MYOF: variants seen among roughly 807,000 people sequenced by gnomAD.
MYOF encodes the protein myoferlin, also known as fer-1-like 3, myoferlin.
A neutral mutation model predicts 284.2 loss-of-function variants in MYOF; 244 were observed. That is an observed-to-expected ratio of 0.86 (90% CI 0.77 to 0.95). The LOEUF is 0.95. MYOF is among the 40% of genes least tolerant of loss of function. MYOF has a pLI of 0.00. For synonymous variants in MYOF, 904 were observed against 919.7 expected, an observed-to-expected ratio of 0.98 and a Z score of 0.31; for missense variants, 2,496 against 2,560.6, an observed-to-expected ratio of 0.97 and a Z score of 0.54.
At chr10:93,476,168 G>A (rs1315965110) in intron 1 of MYOF, among the ~76,000 whole-genome samples, 3 of 151,372 alleles carry the variant, frequency 2.0e-5, no homozygotes, top group Non-Finnish European at 4.4e-5. Flanking sequence ...AAGGCTCTCT[G>A]TGGGGAACGC....
chr10:93,389,775 A>T (rs371291426), intron 17 of MYOF, among the ~76,000 whole-genome samples: 3 of 152,320 alleles, frequency 2.0e-5, no homozygotes, highest in East Asian at 3.9e-4. Flanking sequence ...TTAGCAAGAC[A>T]ACTCCTCAAT....
chr10:93,361,650 C>G, intron 27 of MYOF, 93 bp from the exon 28 acceptor site: 1 of 1,073,846 alleles, frequency 9.3e-7, no homozygotes, highest in Non-Finnish European at 1.4e-6. Context: ...TTAACTATGG[C>G]ATTCACACCT....
chr10:93,372,496 T>A (rs966258670), intron 24 of MYOF, among the ~76,000 whole-genome samples: 12 of 152,320 alleles, frequency 7.9e-5, no homozygotes, highest in Admixed American at 2.0e-4. Context: ...TCAAAAATGT[T>A]CAATTTGATT....
chr10:93,438,577 C>A (rs1317490045), intron 3 of MYOF, among the ~76,000 whole-genome samples: 1 of 152,052 alleles, frequency 6.6e-6, no homozygotes. Flanking sequence ...TCCCTGAGTC[C>A]GACTTTTTCC....
In MYOF at chr10:93,426,884, CTT is replaced by C. The variant is rs1169014883; in HGVS notation, c.346-728_346-727del. ...CGCCTAGGCAAAAGAACGAGACTGT[CTT>C]TTTTTTTTTTTTTTTTTTTGAGACA... On this transcript the variant is annotated intron_variant, in intron 4 of 53. Coordinates refer to ENST00000359263, the MANE Select transcript of MYOF (RefSeq NM_013451.4). Among the ~76,000 whole-genome samples the C allele has an allele frequency of 6.9e-4, 72 of 104,748 alleles. 1 individual carries two copies. The highest frequency in any genetic ancestry group is 5.7e-3 in the East Asian group (23 of 4,000). The allele number at this position is 104,748 out of a possible 152,430, so 68.7% of individuals were successfully genotyped here. A position where few individuals can be genotyped will look rare whatever the true frequency, so the allele number is the denominator to read the frequency against.
rs1003076454 is a variant in MYOF at position 93,370,552 on chromosome 10, C to T, written c.2458-776G>A. ...TGGGTCTTAAACTCCTGAACTCAAACGACCCACCCACCTCAGCCTCCCAGA... is the reference window on the plus strand; with the variant it reads ...TGGGTCTTAAACTCCTGAACTCAAATGACCCACCCACCTCAGCCTCCCAGA... On this transcript the variant is annotated intron_variant, in intron 24 of 53. Coordinates refer to ENST00000359263, the MANE Select transcript of MYOF (RefSeq NM_013451.4). Among the ~76,000 whole-genome samples the T allele has an allele frequency of 1.6e-4, 24 of 151,966 alleles. No homozygotes were observed. In the South Asian group the frequency reaches 2.5e-3, roughly 16 times the overall value.
chr10:93,320,194 A>C (rs1842793654), intron 48 of MYOF, among the ~76,000 whole-genome samples, 181 bp from the exon 49 acceptor site: 3 of 152,218 alleles, frequency 2.0e-5, no homozygotes, highest in Admixed American at 1.3e-4. Context: ...TGCATCCAAC[A>C]CAGGTTGTGG....
chr10:93,458,400 C>T (rs2056794816), intron 1 of MYOF, among the ~76,000 whole-genome samples: 1 of 151,896 alleles, frequency 6.6e-6, no homozygotes, highest in South Asian at 2.1e-4. Flanking sequence ...TTTTCATCCC[C>T]CTTTCACAGC....
At chr10:93,391,198 T>A (rs577564335) in intron 17 of MYOF, among the ~76,000 whole-genome samples, 2 of 152,372 alleles carry the variant, frequency 1.3e-5, no homozygotes, top group East Asian at 3.9e-4. Flanking sequence ...CCAACAAATC[T>A]CTTTTCTGGT....
chr10:93,399,168 A>G (rs891469432), intron 13 of MYOF, among the ~76,000 whole-genome samples: 3 of 152,160 alleles, frequency 2.0e-5, no homozygotes, highest in Non-Finnish European at 4.4e-5. Flanking sequence ...TTAATCTCTC[A>G]AAAGATTGAA....
At chr10:93,413,467 G>C (rs1847987480) in intron 5 of MYOF, among the ~76,000 whole-genome samples, 1 of 152,220 alleles carries the variant, frequency 6.6e-6, no homozygotes, top group Admixed American at 6.5e-5. Flanking sequence ...TGATGTGCAA[G>C]CTGTGTCATG....
chr10:93,477,957 T>C (rs2057301354), intron 1 of MYOF, among the ~76,000 whole-genome samples: 1 of 152,142 alleles, frequency 6.6e-6, no homozygotes, highest in Non-Finnish European at 1.5e-5. Flanking sequence ...ACAACTTATA[T>C]GTCTAGAGCA....
At chr10:93,338,205 G>A (rs1843704998) in intron 39 of MYOF, 3 of 480,110 alleles carry the variant, frequency 6.2e-6, no homozygotes, top group Non-Finnish European at 1.2e-5. Context: ...TAATTTGTTG[G>A]TTTTTACATT....
At chr10:93,323,978 C>T (rs990308115) in intron 46 of MYOF, among the ~76,000 whole-genome samples, 1 of 152,160 alleles carries the variant, frequency 6.6e-6, no homozygotes, top group East Asian at 1.9e-4. Flanking sequence ...TATTACAGTT[C>T]CCAAAAGGTA....
intron 5 of MYOF, among the ~76,000 whole-genome samples, chr10:93,409,942 A>C (rs529950436): frequency 6.6e-6 from 1 of 152,346 alleles, no homozygotes; most frequent in South Asian, 2.1e-4. Context: ...TTCACAGTAC[A>C]TCGGGGCTGT....
chr10:93,420,630 C>T (rs1848319974), intron 5 of MYOF, among the ~76,000 whole-genome samples: 1 of 152,136 alleles, frequency 6.6e-6, no homozygotes, highest in Non-Finnish European at 1.5e-5. Flanking sequence ...CTTTTGTATT[C>T]CAGCATAAAT....
chr10:93,402,314 T>C lies in MYOF; in HGVS notation c.908A>G (p.Asn303Ser), dbSNP rs1375828064. 2 of 1,613,958 alleles carry C rather than the reference T, an allele frequency of 1.2e-6. No homozygotes were observed. The highest frequency in any genetic ancestry group is 1.7e-6 in the Non-Finnish European group (2 of 1,180,000). ...HAVMRKWLLLNDPEDTSSGSK... is the reference protein window; with the variant it reads ...HAVMRKWLLLSDPEDTSSGSK... ...ACCTGAACTGGTATCTTCCGGGTCA[T>C]TGAGAAGAAGCCACTTTCTCATGAC... Residue 303 changes from asparagine (N) to serine (S), a missense_variant, in exon 11 of 54, where the codon AAT becomes AGT. Coordinates refer to ENST00000359263, the MANE Select transcript of MYOF (RefSeq NM_013451.4).
At position 93,404,207 on chromosome 10, in the gene MYOF, T is replaced by C; in HGVS notation, c.742A>G (p.Asn248Asp). 8 of 1,614,102 alleles carry C rather than the reference T, an allele frequency of 5.0e-6. No homozygotes were observed. The highest frequency in any genetic ancestry group is 6.8e-6 in the Non-Finnish European group (8 of 1,180,010). Residue 248 changes from asparagine to aspartate, a missense_variant, in exon 8 of 54, where the codon AAT (asparagine) becomes GAT (aspartate). Around this residue, in one of 3 missense-constraint regions of MYOF, gnomAD observed 2,436 missense variants for 2,480.7 expected, o/e 0.98. Transcript: ENST00000359263. ...NPFFDELFFY[N>D]VNMTPSELMD... is the part of the protein sequence containing the mutation. ...AATTCAGAAGGGGTCATGTTGACAT[T>C]GTAGAAAAACAACTGCCAAAACAAT...
intron 3 of MYOF, among the ~76,000 whole-genome samples, chr10:93,447,344 A>G (rs528875595): frequency 6.6e-6 from 1 of 152,080 alleles, no homozygotes; most frequent in East Asian, 1.9e-4. Flanking sequence ...AACTGACTCA[A>G]AGCACGTCCA....
Sources: allele counts gnomAD v4.1 joint callset (sites outside exome capture counted in the v4.1 genomes callset), GRCh38; gene constraint gnomAD v4.1.1; regional missense constraint gnomAD v4.1.1; transcripts MANE v1.5; gene names NCBI Gene and HGNC (gene_info 2026-07-23, HGNC 2026-07-21).